TTC27: variants seen among roughly 807,000 people sequenced by gnomAD.
TTC27 encodes tetratricopeptide repeat domain 27, also known as tetratricopeptide repeat protein 27.
Under a neutral mutation model 115.9 loss-of-function variants are expected in TTC27, and 79 were observed. The observed-to-expected ratio is 0.68, with a 90% confidence interval of 0.57 to 0.82. TTC27 has a LOEUF of 0.82. Ranked by LOEUF, TTC27 falls within the 40% of genes least tolerant of loss-of-function variation. The pLI is 0.00. For missense variants in TTC27, 1,054 were observed against 993.1 expected (o/e 1.06, Z -0.82); for synonymous variants, 401 against 356.0 (o/e 1.13, Z -1.42).
At chr2:32,786,923 T>A in intron 15 of TTC27, 61 bp from the exon 16 acceptor site, 1 of 1,373,966 alleles carries the variant, frequency 7.3e-7, no homozygotes, top group Admixed American at 2.2e-5. Context: ...CATTTAGCTA[T>A]GCTTTATTCT....
At chr2:32,750,829 G>C (rs116673033) in intron 12 of TTC27, among the ~76,000 whole-genome samples, 2,876 of 152,278 alleles carry the variant, frequency 0.019, 58 homozygotes, top group Middle Eastern at 0.041. Flanking sequence ...CTAATAACAA[G>C]TATTAATACC....
chr2:32,666,568 T>A, intron 6 of TTC27, 67 bp from the exon 7 acceptor site: 1 of 1,490,254 alleles, frequency 6.7e-7, no homozygotes, highest in Non-Finnish European at 9.0e-7. Flanking sequence ...CTGAAAATAT[T>A]ACTCTTCATG....
chr2:32,637,454 C>T (rs1016580218), intron 3 of TTC27, among the ~76,000 whole-genome samples: 1 of 152,068 alleles, frequency 6.6e-6, no homozygotes, highest in Admixed American at 6.5e-5. Context: ...GCCTCAGCCT[C>T]CTGAGTAGCT....
At chr2:32,708,241 G>C (rs997440242) in intron 10 of TTC27, among the ~76,000 whole-genome samples, 6 of 146,388 alleles carry the variant, frequency 4.1e-5, no homozygotes, top group African/African-American at 1.5e-4. Flanking sequence ...TCTACTTCCA[G>C]TTAATGAATA....
intron 17 of TTC27, 89 bp from the exon 18 acceptor site, chr2:32,812,415 G>A (rs1671345139): frequency 1.1e-6 from 1 of 929,754 alleles, no homozygotes; most frequent in East Asian, 2.5e-5. Flanking sequence ...TTTTCACATT[G>A]GAATTAGTTC....
At chr2:32,788,967 C>G (rs1364632662) in intron 16 of TTC27, among the ~76,000 whole-genome samples, 1 of 152,250 alleles carries the variant, frequency 6.6e-6, no homozygotes, top group East Asian at 1.9e-4. Context: ...TGAAACTATC[C>G]TAAGCACTTC....
chr2:32,734,580 C>T (rs1668392514), intron 11 of TTC27, among the ~76,000 whole-genome samples: 1 of 152,136 alleles, frequency 6.6e-6, no homozygotes, highest in Admixed American at 6.5e-5. Context: ...GGGATTCTGG[C>T]CCCTTGTCTA....
chr2:32,693,318 G>A (rs1053560111), intron 9 of TTC27, among the ~76,000 whole-genome samples: 5 of 152,148 alleles, frequency 3.3e-5, no homozygotes, highest in African/African-American at 1.2e-4. Context: ...ATCAAATTGG[G>A]GTCCCTGGAC....
intron 12 of TTC27, among the ~76,000 whole-genome samples, chr2:32,756,488 A>G (rs888712315): frequency 4.6e-5 from 7 of 152,338 alleles, no homozygotes; most frequent in African/African-American, 1.7e-4. Context: ...TGTTTTATAA[A>G]TTCCAGTTTC....
At chr2:32,672,426 A>G in intron 8 of TTC27, 42 bp downstream of exon 8, 2 of 1,418,476 alleles carry the variant, frequency 1.4e-6, no homozygotes, top group Non-Finnish European at 2.0e-6. Flanking sequence ...CACTTTGCAT[A>G]TTGATTCTCT....
chr2:32,735,624 G>T (rs963554051), intron 11 of TTC27, among the ~76,000 whole-genome samples: 2 of 151,274 alleles, frequency 1.3e-5, no homozygotes, highest in Admixed American at 6.6e-5. Flanking sequence ...AGAAATAACA[G>T]AACAGTTTAT....
intron 17 of TTC27, 58 bp from the exon 18 acceptor site, chr2:32,812,446 G>C: frequency 7.7e-7 from 1 of 1,299,088 alleles, no homozygotes; most frequent in Non-Finnish European, 1.1e-6. Flanking sequence ...CCAGGAAACA[G>C]AGTTTGAAAT....
At chr2:32,681,477 T>C (rs1244221029) in intron 9 of TTC27, among the ~76,000 whole-genome samples, 3 of 152,154 alleles carry the variant, frequency 2.0e-5, no homozygotes, top group African/African-American at 4.8e-5. Context: ...TTAAATCCTA[T>C]GTAACTCCAA....
At chr2:32,743,815 T>G (rs1668726940) in intron 12 of TTC27, among the ~76,000 whole-genome samples, 1 of 152,218 alleles carries the variant, frequency 6.6e-6, no homozygotes, top group African/African-American at 2.4e-5. Context: ...AGATCTCTCC[T>G]AATTTAGTCA....
At chr2:32,723,768 T>TTCCTTCCTTCCA (rs1317014019) in intron 10 of TTC27, among the ~76,000 whole-genome samples, 1 of 121,870 alleles carries the variant, frequency 8.2e-6, no homozygotes, top group Non-Finnish European at 1.7e-5. Flanking sequence ...CCTTCCTTCC[T>TTCCTTCCTTCCA]TCCTTCCTTC....
chr2:32,693,837 G>C (rs780583553), intron 9 of TTC27, among the ~76,000 whole-genome samples: 2 of 152,212 alleles, frequency 1.3e-5, no homozygotes, highest in Non-Finnish European at 2.9e-5. Flanking sequence ...CTGGACCATA[G>C]TTAGCACTTC....
intron 6 of TTC27, among the ~76,000 whole-genome samples, chr2:32,666,395 G>A (rs1049907050): frequency 5.4e-5 from 8 of 148,756 alleles, no homozygotes; most frequent in Admixed American, 4.7e-4. Context: ...GTAGTTTGAT[G>A]CAAAAATTAG....
At chr2:32,787,569 G>A (rs1312828589) in intron 16 of TTC27, among the ~76,000 whole-genome samples, 1 of 152,126 alleles carries the variant, frequency 6.6e-6, no homozygotes, top group African/African-American at 2.4e-5. Flanking sequence ...ACAATATATA[G>A]AGGATGGCTA....
intron 4 of TTC27, among the ~76,000 whole-genome samples, chr2:32,643,337 A>C (rs1167376552): frequency 6.9e-6 from 1 of 145,372 alleles, no homozygotes; most frequent in Non-Finnish European, 1.5e-5. Flanking sequence ...ACAGAGTCTC[A>C]CTCTGTTGCC....
Sources: allele counts gnomAD v4.1 joint callset (sites outside exome capture counted in the v4.1 genomes callset), GRCh38; gene constraint gnomAD v4.1.1; transcripts MANE v1.5; gene names NCBI Gene and HGNC (gene_info 2026-07-23, HGNC 2026-07-21).